Variants in EYA1 observed in about 807,000 individuals in gnomAD.
The protein encoded by EYA1 is EYA transcriptional coactivator and phosphatase 1, also known as protein phosphatase EYA1.
A neutral mutation model predicts 82.0 loss-of-function variants in EYA1; 16 were observed. The ratio of observed to expected loss-of-function variants is 0.20; its 90% CI spans 0.13 to 0.30. EYA1 has a LOEUF of 0.30. Ranked by LOEUF, EYA1 falls within the 10% of genes least tolerant of loss-of-function variation. EYA1 has a pLI of 1.00. For missense variants in EYA1, 633 were observed against 730.7 expected, an observed-to-expected ratio of 0.87 and a Z score of 1.54; for synonymous variants, 261 against 264.4, an observed-to-expected ratio of 0.99 and a Z score of 0.12.
chr8:71,379,872 G>C (rs1313874307), intron 2 of EYA1, among the ~76,000 whole-genome samples: 1 of 152,136 alleles, frequency 6.6e-6, no homozygotes, highest in Non-Finnish European at 1.5e-5. Flanking sequence ...ATGCTAACAG[G>C]AGCCAGATGT....
intron 2 of EYA1, among the ~76,000 whole-genome samples, chr8:71,500,089 T>C (rs1179013989): frequency 6.6e-6 from 1 of 152,132 alleles, no homozygotes; most frequent in Non-Finnish European, 1.5e-5. Flanking sequence ...GTGCTCTCCA[T>C]GTCCTGTGTA....
At chr8:71,371,751 G>C (rs1016952031) in intron 2 of EYA1, among the ~76,000 whole-genome samples, 2 of 152,030 alleles carry the variant, frequency 1.3e-5, no homozygotes, top group African/African-American at 4.8e-5. Context: ...AATAAGAGAA[G>C]ATACTGAAGC....
At chr8:71,279,313 GACA>G (rs1817558482) in intron 9 of EYA1, among the ~76,000 whole-genome samples, 1 of 152,170 alleles carries the variant, frequency 6.6e-6, no homozygotes, top group South Asian at 2.1e-4. Context: ...GTAGATGTCA[GACA>G]ACAACTGACA....
At chr8:71,205,314 T>C (rs1222742868) in intron 17 of EYA1, among the ~76,000 whole-genome samples, 1 of 152,136 alleles carries the variant, frequency 6.6e-6, no homozygotes, top group Non-Finnish European at 1.5e-5. Flanking sequence ...TAGATGTCAA[T>C]GTACAGGAGA....
chr8:71,274,521 T>C lies in EYA1; in HGVS notation c.827-2624A>G, dbSNP rs964122004. On this transcript the variant is annotated intron_variant, in intron 9 of 17. Coordinates refer to ENST00000340726, the MANE Select transcript of EYA1 (RefSeq NM_000503.6). ...GTGAAAATACTTTGGAGGGCATTCA[T>C]TGATTTTAACAAACTTGGAGTGGAT... 3.9e-5 allele frequency among the ~76,000 whole-genome samples: 6 copies of C among 152,190 alleles called. 1 individual carries two copies. Among genetic ancestry groups the C allele is most frequent in the African/African-American group, 1.4e-4 (6 of 41,446 alleles).
intron 3 of EYA1, among the ~76,000 whole-genome samples, chr8:71,346,444 A>ATATC (rs1825736067): frequency 2.8e-5 from 4 of 142,696 alleles, no homozygotes; most frequent in Admixed American, 7.1e-5. Context: ...ATATATATAT[A>ATATC]TATATATATA....
chr8:71,362,047 A>G lies in EYA1; in HGVS notation c.-455T>C, dbSNP rs1433742383. The G allele has an allele frequency of 3.0e-6, 3 of 985,310 alleles. No individual in the cohort carries two copies. The highest frequency in any genetic ancestry group is 3.6e-6 in the Non-Finnish European group (3 of 829,992). The allele number at this position is 985,310 out of a possible 1,614,324, so 61.0% of individuals were successfully genotyped here. On this transcript the variant is annotated 5_prime_UTR_variant, in exon 1 of 18. Coordinates refer to ENST00000340726, the MANE Select transcript of EYA1 (RefSeq NM_000503.6). ...GCCCAGCGCTCCTTCCCCACCAAACAGCAGCGGCAGATAGCATCTGAGAAC... is the reference window on the plus strand; with the variant it reads ...GCCCAGCGCTCCTTCCCCACCAAACGGCAGCGGCAGATAGCATCTGAGAAC...
At chr8:71,319,225 G>C (rs1189919161) in intron 6 of EYA1, among the ~76,000 whole-genome samples, 5 of 151,826 alleles carry the variant, frequency 3.3e-5, no homozygotes, top group Non-Finnish European at 7.4e-5. Flanking sequence ...CCACCTCCCA[G>C]GTTCATGCCA....
intron 2 of EYA1, among the ~76,000 whole-genome samples, chr8:71,430,585 T>C (rs1805543651): frequency 6.6e-6 from 1 of 152,226 alleles, no homozygotes; most frequent in Non-Finnish European, 1.5e-5. Context: ...TGGTCTGGGA[T>C]ATGAACATCC....
At chr8:71,483,312 A>G (rs1322385569) in intron 2 of EYA1, among the ~76,000 whole-genome samples, 2 of 152,156 alleles carry the variant, frequency 1.3e-5, no homozygotes, top group African/African-American at 4.8e-5. Flanking sequence ...TCTTCTCACC[A>G]AGCTCTATCT....
intron 2 of EYA1, among the ~76,000 whole-genome samples, chr8:71,497,008 A>G (rs534430864): frequency 6.6e-6 from 1 of 152,216 alleles, no homozygotes; most frequent in Non-Finnish European, 1.5e-5. Flanking sequence ...ATGAGATTAC[A>G]TACATCAAAC....
intron 2 of EYA1, among the ~76,000 whole-genome samples, chr8:71,394,408 G>C (rs1482026501): frequency 6.6e-6 from 1 of 152,044 alleles, no homozygotes; most frequent in African/African-American, 2.4e-5. Flanking sequence ...TTTCTTCTAG[G>C]GTTGTTATGG....
chr8:71,216,006 ACT>A (rs941979349), intron 14 of EYA1, among the ~76,000 whole-genome samples: 1 of 152,096 alleles, frequency 6.6e-6, no homozygotes, highest in Non-Finnish European at 1.5e-5. Flanking sequence ...TGCAGCATTC[ACT>A]TGGCCAGTGG....
chr8:71,526,849 C>A (rs1813854698), intron 2 of EYA1, among the ~76,000 whole-genome samples: 1 of 152,094 alleles, frequency 6.6e-6, no homozygotes, highest in African/African-American at 2.4e-5. Context: ...AAAGGGACCC[C>A]CTTACAAGGC....
At chr8:71,525,917 T>G (rs564575774) in intron 2 of EYA1, among the ~76,000 whole-genome samples, 1 of 152,322 alleles carries the variant, frequency 6.6e-6, no homozygotes, top group South Asian at 2.1e-4. Context: ...GCACATCATG[T>G]GCAAAATAGC....
In EYA1 at chr8:71,340,030, T is replaced by C. The variant is rs1824942426; in HGVS notation, c.125-5856A>G. 1.3e-5 allele frequency among the ~76,000 whole-genome samples: 2 copies of C among 152,214 alleles called. 1 individual carries two copies. The highest frequency in any genetic ancestry group is 4.1e-4 in the South Asian group (2 of 4,834). On this transcript the variant is annotated intron_variant, in intron 3 of 17. Coordinates refer to ENST00000340726, the MANE Select transcript of EYA1 (RefSeq NM_000503.6). ...TCTAATTTCACAGCCACTATCCTAA[T>C]TACCTTCTGCCTCTTCTCTTATGAA...
chr8:71,309,373 A>C (rs910477856), intron 7 of EYA1, among the ~76,000 whole-genome samples: 3 of 151,440 alleles, frequency 2.0e-5, no homozygotes, highest in African/African-American at 7.2e-5. Context: ...AAAAAAAAAA[A>C]AAATCTAGAA....
chr8:71,462,242 C>G (rs1224256222), intron 2 of EYA1, among the ~76,000 whole-genome samples: 2 of 152,130 alleles, frequency 1.3e-5, no homozygotes, highest in Admixed American at 1.3e-4. Context: ...TCCTCAGCAC[C>G]CAGTTGGTTT....
At chr8:71,339,175 C>T (rs976149784) in intron 3 of EYA1, among the ~76,000 whole-genome samples, 19 of 152,122 alleles carry the variant, frequency 1.2e-4, no homozygotes, top group African/African-American at 4.3e-4. Flanking sequence ...CTTTCCAAAT[C>T]CCTATCTATT....
Sources: gnomAD v4.1 joint callset for allele counts (sites outside exome capture counted in the v4.1 genomes callset) on GRCh38, gnomAD v4.1.1 for gene constraint, MANE v1.5 for transcripts, NCBI Gene and HGNC (gene_info 2026-07-23, HGNC 2026-07-21) for gene names.